Variants in PCDHA2 observed in about 807,000 individuals in gnomAD.
The protein encoded by PCDHA2 is protocadherin alpha-2.
PCDHA2 carries 58 observed loss-of-function variants against 66.0 expected under a neutral mutation model. The ratio of observed to expected loss-of-function variants is 0.88; its 90% CI spans 0.71 to 1.09. The LOEUF (loss-of-function observed/expected upper bound fraction) is 1.09, where lower values mean the gene tolerates loss of function less well. Ranked by LOEUF, PCDHA2 falls within the 50% of genes least tolerant of loss-of-function variation. The pLI, the probability that PCDHA2 is intolerant of heterozygous loss-of-function variation, is 0.00. For missense variants in PCDHA2, 1,267 were observed against 1,242.3 expected, an observed-to-expected ratio of 1.02 and a Z score of -0.30; for synonymous variants, 634 against 554.0, an observed-to-expected ratio of 1.14 and a Z score of -2.03.
chr5:140,802,432 C>T lies in PCDHA2; in HGVS notation c.2388+5080C>T, dbSNP rs1762913012. The T allele has an allele frequency of 1.2e-6, 2 of 1,614,122 alleles. No homozygotes were observed. The highest frequency in any genetic ancestry group is 1.7e-5 in the Admixed American group (1 of 60,012). On this transcript the variant is annotated intron_variant, in intron 1 of 3. Coordinates refer to ENST00000526136, the MANE Select transcript of PCDHA2 (RefSeq NM_018905.3). Reference sequence around the variant, plus strand: ...TACTACTCATTGGTGCTGGACAGCCCTCTGGACCGCGAGAGCGTGTCGGCC... The same window carrying T: ...TACTACTCATTGGTGCTGGACAGCCTTCTGGACCGCGAGAGCGTGTCGGCC...
At chr5:140,890,752 G>A (rs2062783323) in intron 1 of PCDHA2, among the ~76,000 whole-genome samples, 1 of 151,990 alleles carries the variant, frequency 6.6e-6, no homozygotes, top group East Asian at 1.9e-4. Context: ...TTTCTGTCAT[G>A]CTTTAAAAAT....
intron 1 of PCDHA2, chr5:140,802,173 G>T: frequency 1.2e-6 from 2 of 1,614,198 alleles, no homozygotes; most frequent in Non-Finnish European, 1.7e-6. Context: ...CACGGATAAA[G>T]GAAATCCCCC....
intron 1 of PCDHA2, among the ~76,000 whole-genome samples, chr5:140,798,728 C>T (rs1762355007): frequency 6.6e-6 from 1 of 152,148 alleles, no homozygotes; most frequent in Non-Finnish European, 1.5e-5. Flanking sequence ...ACTACATTTT[C>T]ACTTGAAACA....
At position 140,795,636 on chromosome 5, in the gene PCDHA2, C is replaced by A; in HGVS notation, c.672C>A (p.Gly224=). The A allele has an allele frequency of 1.2e-6, 2 of 1,614,106 alleles. No homozygotes were observed. Among genetic ancestry groups the A allele is most frequent in the Non-Finnish European group, 1.7e-6 (2 of 1,179,996 alleles). The change falls in exon 1 of 4, where the codon GGC becomes GGA. Residue 224 remains glycine, a synonymous_variant. Transcript: ENST00000526136. The part of the protein sequence containing the change: ...ATDGGKPELT[G]TVQILIKVLD... ...ATGGGGGCAAACCTGAGCTCACGGG[C>A]ACCGTTCAAATACTTATTAAGGTAT...
intron 3 of PCDHA2, among the ~76,000 whole-genome samples, chr5:141,008,458 C>T (rs1234894606): frequency 3.9e-5 from 6 of 152,252 alleles, no homozygotes; most frequent in Middle Eastern, 3.4e-3. Context: ...CCTTCCTCTC[C>T]AGCTCTGACT....
chr5:140,991,139 G>GT (rs1563571112), intron 3 of PCDHA2, among the ~76,000 whole-genome samples: 3 of 152,126 alleles, frequency 2.0e-5, no homozygotes, highest in Non-Finnish European at 4.4e-5. Flanking sequence ...TAGTAAAAAT[G>GT]TTTTTTGCTC....
intron 3 of PCDHA2, among the ~76,000 whole-genome samples, chr5:140,998,883 GAATA>G (rs782239555): frequency 6.6e-5 from 10 of 152,274 alleles, no homozygotes; most frequent in East Asian, 1.9e-4. Flanking sequence ...AAGTTTAGTT[GAATA>G]AATAACAATG....
chr5:140,795,959 G>C lies in PCDHA2; in HGVS notation c.995G>C (p.Gly332Ala), dbSNP rs782107752. 4 of 1,613,900 alleles carry C rather than the reference G, an allele frequency of 2.5e-6. No homozygotes were observed. In the South Asian group the frequency reaches 4.4e-5, roughly 18 times the overall value. Residue 332 changes from glycine to alanine, a missense_variant, in exon 1 of 4, where the codon GGA becomes GCA. Physicochemically the swap from Gly to Ala is moderately conservative, Grantham distance 60. Transcript: ENST00000526136. ...GACAAAGGAACCCCTTCAATGTCAG[G>C]ACATTGTAAAATTTCATTAAAACTT... is the stretch of plus-strand genomic sequence containing the variant. ...ATDKGTPSMS[G>A]HCKISLKLVD... is the part of the protein sequence containing the mutation.
At chr5:140,827,936 C>T (rs1554130932) in intron 1 of PCDHA2, 4 of 1,115,020 alleles carry the variant, frequency 3.6e-6, no homozygotes, top group Non-Finnish European at 5.1e-6. Context: ...GAAGTTATAG[C>T]TAGCCAACAT....
intron 1 of PCDHA2, chr5:140,876,192 G>C: frequency 6.2e-7 from 1 of 1,613,850 alleles, no homozygotes; most frequent in Non-Finnish European, 8.5e-7. Flanking sequence ...ACAATGGTCC[G>C]GCGTTTGATA....
chr5:140,856,012 G>T, intron 1 of PCDHA2: 1 of 1,547,012 alleles, frequency 6.5e-7, no homozygotes, highest in Non-Finnish European at 8.8e-7. Context: ...GTTCTAGACC[G>T]CTGATTCGTC....
At chr5:140,803,973 T>A in intron 1 of PCDHA2, 1 of 313,154 alleles carries the variant, frequency 3.2e-6, no homozygotes, top group Non-Finnish European at 5.8e-6. Flanking sequence ...CACTTTTCAT[T>A]TGGACTTCCT....
rs145659771 is a variant in PCDHA2, at chr5:140,828,940, C to T, written c.2388+31588C>T. 1.3e-4 allele frequency: 202 copies of T among 1,614,160 alleles called. No individual in the cohort carries two copies. The Middle Eastern group carries it at 2.5e-3, about 20-fold the overall frequency. ...GGGCAATTTCATATTCTTTTAATAG[C>T]CTTGTTGCAGCCATGGTTATTGACC... On this transcript the variant is annotated intron_variant, in intron 1 of 3. Coordinates refer to ENST00000526136, the MANE Select transcript of PCDHA2 (RefSeq NM_018905.3).
intron 1 of PCDHA2, chr5:140,843,270 T>C (rs1198092649): frequency 1.3e-6 from 2 of 1,595,942 alleles, no homozygotes; most frequent in African/African-American, 2.7e-5. Context: ...CTGCTGGTCC[T>C]GGTGAAGGAT....
At chr5:140,943,500 G>C (rs907493905) in intron 1 of PCDHA2, among the ~76,000 whole-genome samples, 1 of 152,048 alleles carries the variant, frequency 6.6e-6, no homozygotes, top group Admixed American at 6.6e-5. Context: ...TGCTATCAAG[G>C]TTCATGGAAA....
rs2150262609 is a variant in PCDHA2, at chr5:140,836,508, A to T, written c.2388+39156A>T. 6 of 1,613,710 alleles carry T rather than the reference A, an allele frequency of 3.7e-6. No individual in the cohort carries two copies. The African/African-American group carries it at 8.0e-5, about 22-fold the overall frequency. On this transcript the variant is annotated intron_variant, in intron 1 of 3. Transcript: ENST00000526136. ...GATCATCGCCATCTGCGCGGTGTCC[A>T]GTCTGTTGGTGCTTACCCTGCTGCT...
chr5:140,877,521 AG>A, intron 1 of PCDHA2: 1 of 1,613,770 alleles, frequency 6.2e-7, no homozygotes, highest in African/African-American at 1.3e-5. Context: ...CGCGGGCCTC[AG>A]TGGGCGCTGT....
intron 1 of PCDHA2, chr5:140,871,711 T>C (rs1554165833): frequency 1.2e-6 from 1 of 815,266 alleles, no homozygotes; most frequent in Middle Eastern, 3.7e-4. Flanking sequence ...ATAAATGTCC[T>C]ATTTCTCTTA....
intron 1 of PCDHA2, chr5:140,807,560 G>A (rs1554124081): frequency 1.2e-6 from 2 of 1,614,182 alleles, no homozygotes; most frequent in South Asian, 1.1e-5. Flanking sequence ...GGAGGTGAGG[G>A]ACATTAACGA....
Sources: gnomAD v4.1 joint callset for allele counts (sites outside exome capture counted in the v4.1 genomes callset) on GRCh38, gnomAD v4.1.1 for gene constraint, MANE v1.5 for transcripts, NCBI Gene and HGNC (gene_info 2026-07-23, HGNC 2026-07-21) for gene names.